The following SYT9 variants were observed in gnomAD, a reference collection of about 807,000 sequenced individuals.
The protein encoded by SYT9 is synaptotagmin 9, also known as synaptotagmin-9.
A neutral mutation model predicts 48.4 loss-of-function variants in SYT9; 22 were observed. That is an observed-to-expected ratio of 0.45 (90% CI 0.32 to 0.65). The LOEUF (loss-of-function observed/expected upper bound fraction) is 0.65. Ranked by LOEUF, SYT9 falls within the 30% of genes least tolerant of loss-of-function variation. The probability of loss-of-function intolerance (pLI) is 0.03; values close to 1 mark genes in which losing one functional copy is unlikely to be tolerated. For missense variants in SYT9, 577 were observed against 622.0 expected (o/e 0.93, Z 0.77); for synonymous variants, 265 against 245.0 (o/e 1.08, Z -0.76).
intron 5 of SYT9, among the ~76,000 whole-genome samples, 158 bp from the exon 6 acceptor site, chr11:7,420,348 G>A (rs1411370814): frequency 1.3e-5 from 2 of 152,142 alleles, no homozygotes; most frequent in Non-Finnish European, 2.9e-5. Context: ...CCTATTGGCC[G>A]TGAAGCTTAG....
At chr11:7,407,360 A>ATTTTTTTT (rs756378336) in intron 3 of SYT9, among the ~76,000 whole-genome samples, 8 of 37,768 alleles carry the variant, frequency 2.1e-4, no homozygotes, top group Non-Finnish European at 2.5e-4. Context: ...TAAGTCTATA[A>ATTTTTTTT]TTTTTTTTTT....
Position 7,413,318 on chromosome 11 carries a change from C to G in SYT9, c.1045-2724C>G, listed in dbSNP as rs1484056598. 2.0e-5 allele frequency among the ~76,000 whole-genome samples: 3 copies of G among 152,176 alleles called. No homozygotes were observed. The East Asian group carries it at 5.8e-4, about 29-fold the overall frequency. On this transcript the variant is annotated intron_variant, in intron 3 of 6. Coordinates refer to ENST00000318881, the MANE Select transcript of SYT9 (RefSeq NM_175733.4). The stretch of plus-strand genomic sequence containing the variant: ...AGCATCAGTGGCATCAAAACCAGGG[C>G]AAGACATAGTCCTTTAGGGGCTCGG...
chr11:7,393,972 T>C (rs1846692749), intron 3 of SYT9, among the ~76,000 whole-genome samples: 1 of 150,174 alleles, frequency 6.7e-6, no homozygotes, highest in Non-Finnish European at 1.5e-5. Context: ...TTTTTTTTTT[T>C]TAATATACTT....
intron 1 of SYT9, among the ~76,000 whole-genome samples, chr11:7,260,495 G>A (rs1264425396): frequency 2.0e-5 from 3 of 152,134 alleles, no homozygotes; most frequent in Admixed American, 6.5e-5. Context: ...ATCAGATCAC[G>A]AAAGCCCCTG....
At chr11:7,377,088 G>A (rs1850468401) in intron 3 of SYT9, among the ~76,000 whole-genome samples, 2 of 150,014 alleles carry the variant, frequency 1.3e-5, no homozygotes, top group South Asian at 2.2e-4. Context: ...GTGGTGGAGA[G>A]AAGTCCCTGA....
At chr11:7,337,676 G>C (rs1367486739) in intron 3 of SYT9, among the ~76,000 whole-genome samples, 2 of 152,132 alleles carry the variant, frequency 1.3e-5, no homozygotes, top group African/African-American at 2.4e-5. Context: ...TTATTGATTT[G>C]TGTATGTTGA....
In SYT9 at chr11:7,340,123, G is replaced by A. The variant is rs181502755; in HGVS notation, c.1044+26182G>A. Among the ~76,000 whole-genome samples the A allele has an allele frequency of 8.9e-4, 135 of 152,204 alleles. 1 individual carries two copies. Among genetic ancestry groups the A allele is most frequent in the Non-Finnish European group, 1.8e-4 (12 of 68,006 alleles). ...CAAAAAGCCAGTCTAAAAGTTCTGA[G>A]ATTCCTTCCTTAGCTTGGTCTGTTC... On this transcript the variant is annotated intron_variant, in intron 3 of 6. Transcript: ENST00000318881.
chr11:7,391,063 G>A (rs1433076401), intron 3 of SYT9, among the ~76,000 whole-genome samples: 1 of 152,102 alleles, frequency 6.6e-6, no homozygotes, highest in Non-Finnish European at 1.5e-5. Context: ...CCACTTATAA[G>A]TGAGAATACA....
chr11:7,425,548 C>A (rs7941945), intron 6 of SYT9, among the ~76,000 whole-genome samples: 54,736 of 151,842 alleles, frequency 0.36, 12,965 homozygotes, highest in African/African-American at 0.66. Context: ...TGAGACAAGA[C>A]AAAAAGAAAA....
chr11:7,320,954 C>T (rs1438707038), intron 3 of SYT9, among the ~76,000 whole-genome samples: 9 of 151,908 alleles, frequency 5.9e-5, no homozygotes, highest in African/African-American at 2.2e-4. Flanking sequence ...TCTGTCAGGA[C>T]GATCCTCTTG....
chr11:7,460,823 ATTTG>A (rs1235490861), intron 6 of SYT9, among the ~76,000 whole-genome samples: 3 of 152,192 alleles, frequency 2.0e-5, no homozygotes, highest in Non-Finnish European at 4.4e-5. Context: ...TATAATTCTT[ATTTG>A]TTAACCCTTT....
chr11:7,252,098 C>A lies in SYT9; in HGVS notation c.-89C>A. The A allele has an allele frequency of 3.9e-6, 5 of 1,291,292 alleles. No individual in the cohort carries two copies. The highest frequency in any genetic ancestry group is 4.9e-6 in the Non-Finnish European group (5 of 1,013,646). The allele number at this position is 1,291,292 out of a possible 1,614,324, so 80.0% of individuals were successfully genotyped here. A position where few individuals can be genotyped will look rare whatever the true frequency, so the allele number is the denominator to read the frequency against. ...GCAGGTCCCTGGCGGTGAGCGCGGA[C>A]GGCCCGGAGGCGGCGGCTCTGAGCT... On this transcript the variant is annotated 5_prime_UTR_variant, in exon 1 of 7. Transcript: ENST00000318881. The surrounding 1 kb of genome is among the most constrained non-coding windows in gnomAD (Gnocchi z 6.3).
chr11:7,367,315 T>C (rs1280599606), intron 3 of SYT9, among the ~76,000 whole-genome samples: 1 of 151,080 alleles, frequency 6.6e-6, no homozygotes, highest in Non-Finnish European at 1.5e-5. Flanking sequence ...TCTCCTGACC[T>C]CGTGATCCGC....
chr11:7,343,870 T>C (rs1349377294), intron 3 of SYT9, among the ~76,000 whole-genome samples: 4 of 152,168 alleles, frequency 2.6e-5, no homozygotes, highest in Non-Finnish European at 5.9e-5. Flanking sequence ...AAGGCATGTC[T>C]TACATGGTGG....
At chr11:7,369,572 G>T (rs1340986726) in intron 3 of SYT9, among the ~76,000 whole-genome samples, 1 of 152,008 alleles carries the variant, frequency 6.6e-6, no homozygotes, top group East Asian at 1.9e-4. Context: ...GTCCCGAATG[G>T]TATTGTCTAC....
intron 6 of SYT9, among the ~76,000 whole-genome samples, chr11:7,430,312 C>A (rs1293617495): frequency 6.6e-6 from 1 of 152,000 alleles, no homozygotes; most frequent in Non-Finnish European, 1.5e-5. Flanking sequence ...TTCTATAAAG[C>A]AAGGGGAACT....
chr11:7,387,864 T>C (rs1320312708), intron 3 of SYT9, among the ~76,000 whole-genome samples: 3 of 152,178 alleles, frequency 2.0e-5, no homozygotes, highest in Non-Finnish European at 4.4e-5. Context: ...CGTGAAAACA[T>C]GTATGTTTGT....
chr11:7,293,674 GTGATAGAGGAAGATCAC>G (rs1848733838), intron 1 of SYT9, among the ~76,000 whole-genome samples: 1 of 152,190 alleles, frequency 6.6e-6, no homozygotes, highest in Admixed American at 6.5e-5. Context: ...CAAACCTGTT[GTGATAGAGGAAGATCAC>G]TGAGGGGCAG....
At chr11:7,251,844 C>G (rs1485057300), upstream of SYT9, 4 of 210,626 alleles carry the variant, frequency 1.9e-5, no homozygotes, top group African/African-American at 6.9e-5. Context: ...GGCGCGCACT[C>G]CTGACCTGGC....
Sources: allele counts gnomAD v4.1 joint callset (sites outside exome capture counted in the v4.1 genomes callset), GRCh38; gene constraint gnomAD v4.1.1; non-coding constraint Gnocchi (gnomAD v3.1); transcripts MANE v1.5; gene names NCBI Gene and HGNC (gene_info 2026-07-23, HGNC 2026-07-21).